The following HM13 variants were observed in gnomAD, a reference collection of about 807,000 sequenced individuals.
HM13 encodes histocompatibility minor 13.
A neutral mutation model predicts 50.0 loss-of-function variants in HM13; 18 were observed. That is an observed-to-expected ratio of 0.36 (90% CI 0.25 to 0.53). The LOEUF (loss-of-function observed/expected upper bound fraction) is 0.53. HM13 is among the 20% of genes least tolerant of loss of function. The probability of loss-of-function intolerance (pLI) is 0.90; values close to 1 mark genes in which losing one functional copy is unlikely to be tolerated. For missense variants in HM13, 393 were observed against 552.4 expected (o/e 0.71, Z 2.89); for synonymous variants, 197 against 232.6 (o/e 0.85, Z 1.39).
At chr20:31,564,795 G>T (rs1984799995) in intron 10 of HM13, among the ~76,000 whole-genome samples, 2 of 148,928 alleles carry the variant, frequency 1.3e-5, no homozygotes, top group Non-Finnish European at 3.0e-5. Context: ...AATGAGCCAA[G>T]ATCGCACCAT....
intron 11 of HM13, among the ~76,000 whole-genome samples, chr20:31,566,547 T>C (rs1030987759): frequency 6.6e-6 from 1 of 152,142 alleles, no homozygotes; most frequent in African/African-American, 2.4e-5. Context: ...AAATGTTAGC[T>C]GGATCTTAAG....
chr20:31,568,551 G>A (rs1985068824), intron 12 of HM13, among the ~76,000 whole-genome samples: 1 of 152,210 alleles, frequency 6.6e-6, no homozygotes, highest in Non-Finnish European at 1.5e-5. Context: ...TCTGTAAGTG[G>A]GCACATTCCT....
intron 4 of HM13, among the ~76,000 whole-genome samples, chr20:31,546,596 C>CA (rs1227617947): frequency 4.6e-5 from 7 of 151,108 alleles, no homozygotes; most frequent in Admixed American, 4.0e-4. Flanking sequence ...ACTAAAAACA[C>CA]AAAAAAAATT....
chr20:31,530,870 A>G (rs1377179340), intron 2 of HM13, among the ~76,000 whole-genome samples: 1 of 152,190 alleles, frequency 6.6e-6, no homozygotes, highest in African/African-American at 2.4e-5. Context: ...CAGTAGGTCT[A>G]CCAGGTCAAA....
At chr20:31,562,937 G>GA (rs890053029) in intron 10 of HM13, among the ~76,000 whole-genome samples, 3 of 152,134 alleles carry the variant, frequency 2.0e-5, no homozygotes, top group African/African-American at 7.2e-5. Context: ...GAGACCTTTT[G>GA]GAGGTCTCTG....
chr20:31,539,332 C>T (rs1359742721), intron 3 of HM13: 2 of 985,348 alleles, frequency 2.0e-6, no homozygotes, highest in African/African-American at 1.7e-5. Flanking sequence ...GGCTGAGAAA[C>T]ACTGATAGAC....
At chr20:31,518,654 T>C (rs1981952559) in intron 1 of HM13, among the ~76,000 whole-genome samples, 1 of 151,530 alleles carries the variant, frequency 6.6e-6, no homozygotes, top group Non-Finnish European at 1.5e-5. Flanking sequence ...TCAAAAATAA[T>C]AATAATAATA....
Position 31,559,584 on chromosome 20 carries a change from C to T in HM13, c.809-27C>T, listed in dbSNP as rs543765421. 1.2e-5 allele frequency: 20 copies of T among 1,613,812 alleles called. No individual in the cohort carries two copies. In the South Asian group the frequency reaches 2.2e-4, roughly 18 times the overall value. ...TCACTGCCCTGCTGCTTCCCTGCCA[C>T]TCTCTAACCCCAGCTTTCTCCCACA... On this transcript the variant is annotated intron_variant, in intron 8 of 12. Transcript: ENST00000398174.
At chr20:31,555,635 T>G (rs1421984741) in intron 8 of HM13, among the ~76,000 whole-genome samples, 1 of 152,154 alleles carries the variant, frequency 6.6e-6, no homozygotes, top group Non-Finnish European at 1.5e-5. Context: ...GACATACTTG[T>G]CTTCCTAGCC....
At chr20:31,567,133 C>T (rs1016941908) in intron 11 of HM13, among the ~76,000 whole-genome samples, 3 of 152,310 alleles carry the variant, frequency 2.0e-5, no homozygotes, top group South Asian at 2.1e-4. Flanking sequence ...ATCCCCAGCC[C>T]CCCGCCTGCC....
intron 12 of HM13, among the ~76,000 whole-genome samples, chr20:31,568,680 C>T (rs1006739016): frequency 2.6e-5 from 4 of 152,228 alleles, no homozygotes; most frequent in African/African-American, 7.2e-5. Context: ...CAGAGCAGCA[C>T]CTTGCCGCTT....
At chr20:31,542,297 A>G (rs891474914) in intron 3 of HM13, among the ~76,000 whole-genome samples, 1 of 152,196 alleles carries the variant, frequency 6.6e-6, no homozygotes, top group Non-Finnish European at 1.5e-5. Flanking sequence ...GGCTTACTTC[A>G]TCATCTGTGT....
rs750559195 is a variant in HM13 at position 31,544,920 on chromosome 20, G to A, written c.366-27G>A. 1.9e-6 allele frequency: 3 copies of A among 1,604,976 alleles called. No individual in the cohort carries two copies. The African/African-American group carries it at 4.0e-5, about 21-fold the overall frequency. On this transcript the variant is annotated intron_variant, in intron 3 of 12. Coordinates refer to ENST00000398174, the MANE Select transcript of HM13 (RefSeq NM_178581.3). ...CTGACTGCCCATGGGGGCTCTGTTT[G>A]CCGACTTGCTTTGTCTTTCCTTCCA...
chr20:31,566,183 G>T (rs1448159348), intron 10 of HM13, 27 bp from the exon 11 acceptor site: 1 of 1,598,142 alleles, frequency 6.3e-7, no homozygotes, highest in South Asian at 1.1e-5. Context: ...GCCCAGCATG[G>T]CTTCACCAGC....
chr20:31,559,586 C>G, intron 8 of HM13, 25 bp from the exon 9 acceptor site: 3 of 1,613,920 alleles, frequency 1.9e-6, no homozygotes, highest in Admixed American at 3.3e-5. Flanking sequence ...CCCTGCCACT[C>G]TCTAACCCCA....
chr20:31,519,842 AC>A (rs1982042018), intron 1 of HM13, among the ~76,000 whole-genome samples: 1 of 126,358 alleles, frequency 7.9e-6, no homozygotes, highest in African/African-American at 3.4e-5. Flanking sequence ...GGCTATGCAC[AC>A]TTTTTTTTTT....
At chr20:31,553,164 C>T (rs1336716739) in intron 7 of HM13, among the ~76,000 whole-genome samples, 1 of 144,688 alleles carries the variant, frequency 6.9e-6, no homozygotes, top group African/African-American at 2.8e-5. Flanking sequence ...GGCATGGTGG[C>T]GCATGCCTGT....
intron 8 of HM13, among the ~76,000 whole-genome samples, 164 bp downstream of exon 8, chr20:31,554,993 G>A (rs553755952): frequency 1.3e-5 from 2 of 152,348 alleles, no homozygotes; most frequent in Admixed American, 6.5e-5. Flanking sequence ...ATCCGTTTAC[G>A]GAGGGCCAGT....
intron 3 of HM13, among the ~76,000 whole-genome samples, chr20:31,541,989 G>T (rs545460542): frequency 2.3e-4 from 35 of 152,356 alleles, no homozygotes; most frequent in Admixed American, 8.5e-4. Flanking sequence ...AAGTGAAGTG[G>T]GGGGAGCTTA....
Sources: allele counts gnomAD v4.1 joint callset (sites outside exome capture counted in the v4.1 genomes callset), GRCh38; gene constraint gnomAD v4.1.1; transcripts MANE v1.5; gene names NCBI Gene and HGNC (gene_info 2026-07-23, HGNC 2026-07-21).